The following MEIKIN variants were observed in gnomAD, a reference collection of about 807,000 sequenced individuals.
MEIKIN encodes the protein meiotic kinetochore factor.
intron 7 of MEIKIN, among the ~76,000 whole-genome samples, chr5:131,913,648 T>C (rs1751364261): frequency 6.6e-6 from 1 of 152,232 alleles, no homozygotes; most frequent in Non-Finnish European, 1.5e-5. Flanking sequence ...AATAAGCTAA[T>C]GCTGGTAGAA....
At chr5:131,929,255 T>C (rs1486489219) in intron 5 of MEIKIN, among the ~76,000 whole-genome samples, 1 of 152,220 alleles carries the variant, frequency 6.6e-6, no homozygotes, top group Non-Finnish European at 1.5e-5. Context: ...TGACAACTCA[T>C]TTATACTGTT....
intron 9 of MEIKIN, among the ~76,000 whole-genome samples, chr5:131,865,486 C>T (rs6596042): frequency 0.75 from 113,445 of 152,176 alleles, 42,559 homozygotes; most frequent in Middle Eastern, 0.81. Context: ...CCCAAAGTGC[C>T]GGGATTACAG....
At chr5:131,887,278 G>A (rs1750815845) in intron 8 of MEIKIN, among the ~76,000 whole-genome samples, 1 of 152,082 alleles carries the variant, frequency 6.6e-6, no homozygotes, top group Admixed American at 6.6e-5. Context: ...TGTGAAGAGT[G>A]CTGCAATAAA....
intron 8 of MEIKIN, among the ~76,000 whole-genome samples, chr5:131,901,497 A>G (rs1391122502): frequency 2.0e-5 from 3 of 152,040 alleles, no homozygotes; most frequent in African/African-American, 7.2e-5. Context: ...TGCCATAATC[A>G]ACAAGTATGT....
intron 10 of MEIKIN, among the ~76,000 whole-genome samples, chr5:131,852,013 T>C (rs1750122801): frequency 6.6e-6 from 1 of 152,226 alleles, no homozygotes; most frequent in South Asian, 2.1e-4. Context: ...TTCATAACAG[T>C]ATTATTCATA....
At chr5:131,862,538 T>C (rs917806352) in intron 9 of MEIKIN, among the ~76,000 whole-genome samples, 4 of 152,200 alleles carry the variant, frequency 2.6e-5, no homozygotes, top group Admixed American at 1.3e-4. Context: ...AATTCTTTAC[T>C]GGAAATCATT....
intron 8 of MEIKIN, among the ~76,000 whole-genome samples, chr5:131,889,685 T>C (rs1208771214): frequency 4.6e-5 from 7 of 152,218 alleles, no homozygotes; most frequent in Admixed American, 3.3e-4. Context: ...CCTCTTTTCC[T>C]AATTGAATAC....
At chr5:131,822,312 C>G (rs936053630) in intron 11 of MEIKIN, among the ~76,000 whole-genome samples, 5 of 152,044 alleles carry the variant, frequency 3.3e-5, no homozygotes, top group African/African-American at 1.2e-4. Context: ...CAGTTAGGGA[C>G]TTACTGCTGC....
intron 9 of MEIKIN, among the ~76,000 whole-genome samples, chr5:131,871,932 AGGGTCCTGACT>A (rs1430273882): frequency 3.9e-5 from 6 of 152,198 alleles, no homozygotes; most frequent in Admixed American, 2.0e-4. Context: ...CCTGCAGCTG[AGGGTCCTGACT>A]GTTAGAAGGA....
chr5:131,916,354 T>G (rs1046146835), intron 7 of MEIKIN, among the ~76,000 whole-genome samples: 3 of 152,238 alleles, frequency 2.0e-5, no homozygotes, highest in African/African-American at 7.2e-5. Flanking sequence ...AAAGAGGCTA[T>G]CATACTAACG....
In MEIKIN at chr5:131,927,451, G is replaced by A. The variant is rs951670570; in HGVS notation, c.479-5510C>T. Among the ~76,000 whole-genome samples, 4 of 152,290 alleles carry A rather than the reference G, an allele frequency of 2.6e-5. No individual in the cohort carries two copies. The South Asian group carries it at 8.3e-4, about 32-fold the overall frequency. Reference sequence around the variant, plus strand: ...ATATATATTCTGCCACTGTCAGGTAGAATGTTTTGTATACATGTTAGGTCC... The same window carrying A: ...ATATATATTCTGCCACTGTCAGGTAAAATGTTTTGTATACATGTTAGGTCC... On this transcript the variant is annotated intron_variant, in intron 5 of 12. Coordinates refer to ENST00000442687, the MANE Select transcript of MEIKIN (RefSeq NM_001303622.2).
At chr5:131,834,073 A>T (rs1435330645) in intron 11 of MEIKIN, among the ~76,000 whole-genome samples, 2 of 152,240 alleles carry the variant, frequency 1.3e-5, no homozygotes, top group Non-Finnish European at 2.9e-5. Context: ...GGTAGTGGAT[A>T]CTAAAACAAA....
intron 9 of MEIKIN, among the ~76,000 whole-genome samples, chr5:131,861,214 C>A (rs1000979132): frequency 3.3e-5 from 5 of 152,034 alleles, no homozygotes; most frequent in Non-Finnish European, 7.4e-5. Context: ...CATGGTGAAA[C>A]CCTGTTTCTA....
chr5:131,909,415 T>C (rs1751297847), intron 8 of MEIKIN, among the ~76,000 whole-genome samples: 1 of 152,066 alleles, frequency 6.6e-6, no homozygotes, highest in African/African-American at 2.4e-5. Flanking sequence ...AAAAATCAAA[T>C]TAAAATGGAT....
intron 11 of MEIKIN, among the ~76,000 whole-genome samples, chr5:131,850,482 C>A (rs1171113349): frequency 3.9e-5 from 6 of 152,066 alleles, no homozygotes; most frequent in Non-Finnish European, 8.8e-5. Flanking sequence ...TAAAGACAGA[C>A]ATATAGATCA....
At chr5:131,825,986 A>T (rs1235365507) in intron 11 of MEIKIN, among the ~76,000 whole-genome samples, 1 of 152,208 alleles carries the variant, frequency 6.6e-6, no homozygotes, top group Non-Finnish European at 1.5e-5. Flanking sequence ...ATCTTTCAAG[A>T]ATAAAGGCAA....
intron 8 of MEIKIN, among the ~76,000 whole-genome samples, chr5:131,886,648 A>T (rs1750801162): frequency 6.6e-6 from 1 of 152,198 alleles, no homozygotes; most frequent in Admixed American, 6.5e-5. Flanking sequence ...CCTATAAGAA[A>T]TTCCAAAGAG....
chr5:131,926,587 T>C (rs1212148366), intron 5 of MEIKIN, among the ~76,000 whole-genome samples: 1 of 152,204 alleles, frequency 6.6e-6, no homozygotes, highest in Non-Finnish European at 1.5e-5. Context: ...TTTAATTTTT[T>C]AGAAGAGTTT....
At chr5:131,902,014 A>G (rs945226637) in intron 8 of MEIKIN, among the ~76,000 whole-genome samples, 1 of 152,138 alleles carries the variant, frequency 6.6e-6, no homozygotes, top group African/African-American at 2.4e-5. Context: ...TTATCATGAT[A>G]GTGAGTTCTC....
Sources: allele counts gnomAD v4.1 joint callset (sites outside exome capture counted in the v4.1 genomes callset), GRCh38; gene constraint gnomAD v4.1.1; transcripts MANE v1.5; gene names NCBI Gene and HGNC (gene_info 2026-07-23, HGNC 2026-07-21).